The following BLTP3A variants were observed in gnomAD, a reference collection of about 807,000 sequenced individuals.
The protein encoded by BLTP3A is ICBP90 binding protein 1.
chr6:34,856,511 G>GT, the BLTP3A span: 2 of 1,430,450 alleles, frequency 1.4e-6, no homozygotes, highest in Non-Finnish European at 1.9e-6. Flanking sequence ...TATCCCAGCT[G>GT]TATGTAATGG....
the BLTP3A span, among the ~76,000 whole-genome samples, chr6:34,818,847 T>C: frequency 6.6e-6 from 1 of 152,216 alleles, no homozygotes; most frequent in Non-Finnish European, 1.5e-5. Flanking sequence ...TAGTACCTTC[T>C]TAAGTACTTT....
the BLTP3A span, chr6:34,871,266 T>C: frequency 9.3e-7 from 1 of 1,076,512 alleles, no homozygotes; most frequent in African/African-American, 1.6e-5. Context: ...TTAATACATA[T>C]TTGCATTCTC....
At chr6:34,876,135 G>C in the BLTP3A span, 1 of 152,624 alleles carries the variant, frequency 6.6e-6, no homozygotes, top group African/African-American at 2.4e-5. Flanking sequence ...TGCAAGGATG[G>C]CTATCAATCC....
At chr6:34,835,466 T>G in the BLTP3A span, 1 of 1,613,598 alleles carries the variant, frequency 6.2e-7, no homozygotes, top group Non-Finnish European at 8.5e-7. Context: ...CCTGTGCAGG[T>G]TAGAGATAAA....
At chr6:34,872,453 C>T in the BLTP3A span, 2 of 1,601,806 alleles carry the variant, frequency 1.2e-6, no homozygotes, top group East Asian at 2.2e-5. Flanking sequence ...AGTGGCTCAG[C>T]CATCTGTGCC....
At chr6:34,846,639 T>G in the BLTP3A span, among the ~76,000 whole-genome samples, 4 of 152,206 alleles carry the variant, frequency 2.6e-5, no homozygotes, top group Non-Finnish European at 4.4e-5. Context: ...ACTGAATTTG[T>G]TTATTGGTTC....
chr6:34,794,845 C>T, the BLTP3A span, among the ~76,000 whole-genome samples: 14 of 151,172 alleles, frequency 9.3e-5, no homozygotes, highest in African/African-American at 2.7e-4. Context: ...AGTGCAGTGG[C>T]GCGATCTCGG....
At chr6:34,867,389 T>C in the BLTP3A span, 1 of 1,613,846 alleles carries the variant, frequency 6.2e-7, no homozygotes, top group Non-Finnish European at 8.5e-7. Context: ...GGTCAGCAGC[T>C]CTACTTTCTT....
the BLTP3A span, among the ~76,000 whole-genome samples, chr6:34,843,257 T>C: frequency 7.2e-5 from 11 of 152,180 alleles, no homozygotes; most frequent in African/African-American, 2.7e-4. Flanking sequence ...ATGTTGGGAT[T>C]ATGGGTGTGA....
At chr6:34,799,909 T>C in the BLTP3A span, among the ~76,000 whole-genome samples, 1 of 152,172 alleles carries the variant, frequency 6.6e-6, no homozygotes, top group Non-Finnish European at 1.5e-5. Flanking sequence ...TAGTACTTTT[T>C]TTTTTTTCAT....
the BLTP3A span, among the ~76,000 whole-genome samples, chr6:34,800,412 A>ACGCATCC: frequency 6.6e-6 from 1 of 152,156 alleles, no homozygotes; most frequent in Non-Finnish European, 1.5e-5. Context: ...GAGTGGGTAA[A>ACGCATCC]TTGGGAGAAG....
At chr6:34,868,261 G>A in the BLTP3A span, among the ~76,000 whole-genome samples, 8 of 151,688 alleles carry the variant, frequency 5.3e-5, no homozygotes, top group African/African-American at 1.7e-4. Context: ...AGCTGAGATC[G>A]TGCCATTGCA....
chr6:34,843,801 T>C, the BLTP3A span, among the ~76,000 whole-genome samples: 1 of 152,174 alleles, frequency 6.6e-6, no homozygotes, highest in African/African-American at 2.4e-5. Flanking sequence ...CTATCTTTAG[T>C]TTTTTGAAGA....
the BLTP3A span, among the ~76,000 whole-genome samples, chr6:34,805,356 G>C: frequency 6.6e-6 from 1 of 152,070 alleles, no homozygotes; most frequent in African/African-American, 2.4e-5. Flanking sequence ...ACCTTGGGAG[G>C]CTGAGGCAAG....
chr6:34,857,360 C>A, the BLTP3A span: 1 of 1,611,992 alleles, frequency 6.2e-7, no homozygotes, highest in East Asian at 2.2e-5. Context: ...AGTAAAAAGC[C>A]ATCTACACTC....
chr6:34,870,769 G>A, the BLTP3A span: 1 of 1,485,932 alleles, frequency 6.7e-7, no homozygotes, highest in Non-Finnish European at 9.1e-7. Flanking sequence ...CTTTGACATA[G>A]GGTTATTATG....
the BLTP3A span, chr6:34,858,518 C>T: frequency 6.2e-7 from 1 of 1,614,122 alleles, no homozygotes. Flanking sequence ...TTTGTAGCCC[C>T]CTTCCCCCTG....
chr6:34,814,678 C>T, the BLTP3A span, among the ~76,000 whole-genome samples: 2 of 152,146 alleles, frequency 1.3e-5, no homozygotes, highest in African/African-American at 4.8e-5. Flanking sequence ...TTGCTAGAGA[C>T]TGGGTGTCCC....
At chr6:34,849,232 CAAGTG>C in the BLTP3A span, among the ~76,000 whole-genome samples, 1 of 152,026 alleles carries the variant, frequency 6.6e-6, no homozygotes, top group East Asian at 1.9e-4. Flanking sequence ...CTCCTGGCAT[CAAGTG>C]ATCCACCTGT....
Sources: gnomAD v4.1 joint callset for allele counts (sites outside exome capture counted in the v4.1 genomes callset) on GRCh38, gnomAD v4.1.1 for gene constraint, MANE v1.5 for transcripts, NCBI Gene and HGNC (gene_info 2026-07-23, HGNC 2026-07-21) for gene names.